The following NRG3 variants were observed in gnomAD, a reference collection of about 807,000 sequenced individuals.
The protein encoded by NRG3 is neuregulin 3, also known as pro-neuregulin-3, membrane-bound isoform.
Under a neutral mutation model 66.9 loss-of-function variants are expected in NRG3, and 31 were observed. The ratio of observed to expected loss-of-function variants is 0.46; its 90% CI spans 0.35 to 0.63. The LOEUF is 0.63. NRG3 is among the 20% of genes least tolerant of loss of function. The pLI is 0.00. For synonymous variants in NRG3, 393 were observed against 359.4 expected, an observed-to-expected ratio of 1.09 and a Z score of -1.06; for missense variants, 910 against 878.9, an observed-to-expected ratio of 1.04 and a Z score of -0.45.
intron 1 of NRG3, among the ~76,000 whole-genome samples, chr10:82,092,162 T>C (rs1298421200): frequency 6.6e-6 from 1 of 152,188 alleles, no homozygotes; most frequent in Admixed American, 6.6e-5. Context: ...TTTATTATGA[T>C]TTCTATTGTT....
Position 82,913,045 on chromosome 10 carries a change from G to A in NRG3, c.1055-38424G>A, listed in dbSNP as rs528005374. Among the ~76,000 whole-genome samples the A allele has an allele frequency of 2.0e-5, 3 of 152,236 alleles. No homozygotes were observed. In the South Asian group the frequency reaches 6.2e-4, roughly 32 times the overall value. On this transcript the variant is annotated intron_variant, in intron 4 of 8. Coordinates refer to ENST00000372141, the MANE Select transcript of NRG3 (RefSeq NM_001010848.4). ...TCGAGACCATCCTGGCTAACACGGT[G>A]AAACCCCGTCTCTACTAAAAATACA...
At chr10:81,877,906 C>G in intron 1 of NRG3, 1 of 1,536,002 alleles carries the variant, frequency 6.5e-7, no homozygotes, top group Non-Finnish European at 8.7e-7. Flanking sequence ...GAAAATGAGT[C>G]TACCCTGAAG....
chr10:82,456,967 C>G (rs1358189266), intron 2 of NRG3, among the ~76,000 whole-genome samples: 1 of 152,060 alleles, frequency 6.6e-6, no homozygotes, highest in Non-Finnish European at 1.5e-5. Context: ...GTATTATTTC[C>G]TCTCCTTGGA....
chr10:82,917,463 T>TGG (rs1374528410), intron 4 of NRG3, among the ~76,000 whole-genome samples: 12 of 152,212 alleles, frequency 7.9e-5, no homozygotes, highest in African/African-American at 2.9e-4. Context: ...GTGCAGAGCC[T>TGG]GGTGTGCATT....
At chr10:82,342,809 G>C (rs889307275) in intron 1 of NRG3, among the ~76,000 whole-genome samples, 1 of 151,928 alleles carries the variant, frequency 6.6e-6, no homozygotes, top group African/African-American at 2.4e-5. Context: ...TATGATGTTT[G>C]TTTTTGAGGA....
intron 3 of NRG3, among the ~76,000 whole-genome samples, chr10:82,776,860 T>C (rs1055251424): frequency 3.9e-5 from 6 of 152,150 alleles, no homozygotes; most frequent in African/African-American, 1.2e-4. Flanking sequence ...TGTATCCTCT[T>C]GTATATCATG....
At chr10:82,380,201 A>G (rs973911545) in intron 2 of NRG3, among the ~76,000 whole-genome samples, 1 of 152,094 alleles carries the variant, frequency 6.6e-6, no homozygotes, top group African/African-American at 2.4e-5. Context: ...TAAAATGACT[A>G]TGTTGCATTC....
chr10:82,717,582 G>A (rs2134460379), intron 2 of NRG3, among the ~76,000 whole-genome samples: 1 of 151,660 alleles, frequency 6.6e-6, no homozygotes, highest in Non-Finnish European at 1.5e-5. Context: ...TGTATTTTTA[G>A]TAGAGACAGG....
At chr10:82,400,604 G>A (rs1205924116) in intron 2 of NRG3, among the ~76,000 whole-genome samples, 2 of 146,778 alleles carry the variant, frequency 1.4e-5, no homozygotes, top group African/African-American at 2.6e-5. Context: ...GTCTTGCTCT[G>A]TTGCCCAGTC....
chr10:82,247,961 G>A (rs2077318084), intron 1 of NRG3, among the ~76,000 whole-genome samples: 1 of 152,092 alleles, frequency 6.6e-6, no homozygotes, highest in Non-Finnish European at 1.5e-5. Flanking sequence ...AGTAGTAATA[G>A]CAAAGGTATC....
At chr10:82,098,877 C>T (rs747768715) in intron 1 of NRG3, among the ~76,000 whole-genome samples, 1 of 152,166 alleles carries the variant, frequency 6.6e-6, no homozygotes, top group Non-Finnish European at 1.5e-5. Flanking sequence ...CATTCTCCTG[C>T]CTCAGCCTCC....
rs550805663 is a variant in NRG3, at chr10:82,150,256, G to A, written c.824-208483G>A. Among the ~76,000 whole-genome samples, 13 of 152,168 alleles carry A rather than the reference G, an allele frequency of 8.5e-5. No individual in the cohort carries two copies. In the South Asian group the frequency reaches 2.1e-3, roughly 24 times the overall value. ...CACCCATTTGCAGGTGTTGAAGACC[G>A]GTAAGTGCCCAGGAGCTGGCAGGTG... is the stretch of plus-strand genomic sequence containing the variant. On this transcript the variant is annotated intron_variant, in intron 1 of 8. Transcript: ENST00000372141.
At chr10:82,787,374 A>G (rs572758419) in intron 3 of NRG3, among the ~76,000 whole-genome samples, 15 of 152,312 alleles carry the variant, frequency 9.8e-5, no homozygotes, top group African/African-American at 3.4e-4. Flanking sequence ...TCCACTTTAA[A>G]AAACTCTAGG....
At chr10:82,042,635 G>A (rs2063097477) in intron 1 of NRG3, among the ~76,000 whole-genome samples, 1 of 151,982 alleles carries the variant, frequency 6.6e-6, no homozygotes, top group Non-Finnish European at 1.5e-5. Context: ...ATGGAAGCTT[G>A]ACTTTTTCTC....
chr10:82,618,229 T>G (rs540582210), intron 2 of NRG3, among the ~76,000 whole-genome samples: 1 of 152,276 alleles, frequency 6.6e-6, no homozygotes, highest in African/African-American at 2.4e-5. Context: ...CAGCCGGAGC[T>G]GTGGTGCCAG....
chr10:82,096,917 T>G (rs2066384706), intron 1 of NRG3, among the ~76,000 whole-genome samples: 1 of 152,190 alleles, frequency 6.6e-6, no homozygotes, highest in South Asian at 2.1e-4. Context: ...CCTAGTTAGA[T>G]TATTTTCTTT....
At chr10:82,172,621 A>G (rs919615099) in intron 1 of NRG3, among the ~76,000 whole-genome samples, 2 of 152,094 alleles carry the variant, frequency 1.3e-5, no homozygotes, top group Admixed American at 6.6e-5. Flanking sequence ...GAAAACAGAG[A>G]TCACCTTCAA....
intron 2 of NRG3, among the ~76,000 whole-genome samples, chr10:82,673,305 T>C (rs2053434281): frequency 6.6e-6 from 1 of 152,220 alleles, no homozygotes; most frequent in South Asian, 2.1e-4. Flanking sequence ...CTTTCTTAAA[T>C]GTATATATAG....
chr10:82,833,117 A>G (rs1246365817), intron 3 of NRG3, among the ~76,000 whole-genome samples: 1 of 152,148 alleles, frequency 6.6e-6, no homozygotes, highest in Non-Finnish European at 1.5e-5. Flanking sequence ...TTAACTCTCA[A>G]ATTTTTCTTG....
Sources: allele counts gnomAD v4.1 joint callset (sites outside exome capture counted in the v4.1 genomes callset), GRCh38; gene constraint gnomAD v4.1.1; transcripts MANE v1.5; gene names NCBI Gene and HGNC (gene_info 2026-07-23, HGNC 2026-07-21).